Variants in MYO1E observed in about 807,000 individuals in gnomAD.
MYO1E encodes myosin IE.
A neutral mutation model predicts 151.1 loss-of-function variants in MYO1E; 68 were observed. The ratio of observed to expected loss-of-function variants is 0.45; its 90% CI spans 0.37 to 0.55. The LOEUF is 0.55. Among genes scored for constraint, MYO1E ranks in the 20% least tolerant of loss-of-function variants. The pLI is 0.00. For synonymous variants in MYO1E, 601 were observed against 501.7 expected (o/e 1.20, Z -2.64); for missense variants, 1,363 against 1,389.3 (o/e 0.98, Z 0.30).
intron 1 of MYO1E, among the ~76,000 whole-genome samples, chr15:59,300,842 A>G (rs1188022032): frequency 6.7e-6 from 1 of 149,220 alleles, no homozygotes; most frequent in African/African-American, 2.5e-5. Flanking sequence ...CTTATTGTAT[A>G]TCTTTCTTTT....
At chr15:59,257,729 C>A (rs1320255009) in intron 3 of MYO1E, among the ~76,000 whole-genome samples, 1 of 151,970 alleles carries the variant, frequency 6.6e-6, no homozygotes, top group Non-Finnish European at 1.5e-5. Context: ...ATAGGGGGAG[C>A]TACCCAGTGA....
intron 14 of MYO1E, 104 bp downstream of exon 14, chr15:59,208,577 G>C (rs1001944579): frequency 1.4e-6 from 2 of 1,391,670 alleles, no homozygotes; most frequent in East Asian, 4.6e-5. Context: ...TCCGTTTGTT[G>C]AATCAATAAA....
In MYO1E at chr15:59,136,414, A is replaced by G. The variant is rs2140297110; in HGVS notation, c.*966T>C. 5.6e-6 allele frequency: 1 copy of G among 180,006 alleles called. No individual in the cohort carries two copies. The highest frequency in any genetic ancestry group is 1.1e-4 in the South Asian group (1 of 9,016). 11.2% of individuals were successfully genotyped at this position (180,006 alleles called of 1,614,324 possible). On this transcript the variant is annotated 3_prime_UTR_variant, in exon 28 of 28. Coordinates refer to ENST00000288235, the MANE Select transcript of MYO1E (RefSeq NM_004998.4). ...AGGAGGTGGGGGCAGGACGCGGAGT[A>G]AGTTTCCTATAGGGAAAGAGTTGAG...
chr15:59,278,070 A>G (rs2080331561), intron 1 of MYO1E, among the ~76,000 whole-genome samples: 1 of 152,242 alleles, frequency 6.6e-6, no homozygotes, highest in Admixed American at 6.5e-5. Flanking sequence ...GCTGTTGGGC[A>G]CTGACCAGGC....
chr15:59,173,114 T>G (rs2079605256), intron 21 of MYO1E, among the ~76,000 whole-genome samples: 1 of 152,344 alleles, frequency 6.6e-6, no homozygotes, highest in East Asian at 1.9e-4. Flanking sequence ...GTTCCTCCTG[T>G]GGCTGGAAAA....
At chr15:59,284,521 C>T (rs541076193) in intron 1 of MYO1E, among the ~76,000 whole-genome samples, 87 of 151,896 alleles carry the variant, frequency 5.7e-4, no homozygotes, top group Non-Finnish European at 1.1e-3. Context: ...GCAAACATAG[C>T]TCACTGAGGC....
At chr15:59,356,839 G>A (rs1436532289) in intron 1 of MYO1E, among the ~76,000 whole-genome samples, 1 of 151,888 alleles carries the variant, frequency 6.6e-6, no homozygotes, top group Admixed American at 6.6e-5. Flanking sequence ...AAAGTGCTGG[G>A]ATTACAGGCG....
At chr15:59,313,600 TTTA>T (rs1358661067) in intron 1 of MYO1E, among the ~76,000 whole-genome samples, 1 of 151,810 alleles carries the variant, frequency 6.6e-6, no homozygotes, top group African/African-American at 2.4e-5. Flanking sequence ...TACATGCTCT[TTTA>T]TTTCAAGCTC....
At chr15:59,155,145 T>A (rs1229372095) in intron 25 of MYO1E, among the ~76,000 whole-genome samples, 1 of 152,076 alleles carries the variant, frequency 6.6e-6, no homozygotes, top group Non-Finnish European at 1.5e-5. Flanking sequence ...CCTCGGGATG[T>A]CACATGGCCA....
chr15:59,207,609 T>C, intron 14 of MYO1E: 1 of 1,614,202 alleles, frequency 6.2e-7, no homozygotes, highest in Non-Finnish European at 8.5e-7. Context: ...GTTTCTTGAT[T>C]GGACAAAAGC....
At chr15:59,200,872 CGTAA>C (rs1566976996) in intron 16 of MYO1E, among the ~76,000 whole-genome samples, 1 of 152,072 alleles carries the variant, frequency 6.6e-6, no homozygotes, top group East Asian at 1.9e-4. Flanking sequence ...GCACTGAGAG[CGTAA>C]GTAACACCTT....
At chr15:59,160,975 T>C in intron 24 of MYO1E, 98 bp downstream of exon 24, 1 of 1,500,998 alleles carries the variant, frequency 6.7e-7, no homozygotes, top group Non-Finnish European at 9.2e-7. Context: ...GGTGTACTGA[T>C]TCTCAGCCCC....
Position 59,218,032 on chromosome 15 carries a change from C to T in MYO1E, c.966G>A (p.Lys322=). The T allele has an allele frequency of 6.2e-7, 1 of 1,614,216 alleles. No homozygotes were observed. The highest frequency in any genetic ancestry group is 2.2e-5 in the East Asian group (1 of 44,892). Reference sequence around the variant, plus strand: ...TGCTATCCATCTGCCGGCTTGTTAGCTTTTCTTTCAACCGGTCCTGGTTTA... The same window carrying T: ...TGCTATCCATCTGCCGGCTTGTTAGTTTTTCTTTCAACCGGTCCTGGTTTA... ...LGINQDRLKE[K]LTSRQMDSKW... is the part of the protein sequence containing the mutation. Residue 322 remains lysine (K), a synonymous_variant, in exon 10 of 28, where the codon AAG becomes AAA. Coordinates refer to ENST00000288235, the MANE Select transcript of MYO1E (RefSeq NM_004998.4).
intron 1 of MYO1E, among the ~76,000 whole-genome samples, chr15:59,367,606 C>T (rs953634994): frequency 3.3e-5 from 5 of 152,212 alleles, no homozygotes; most frequent in Admixed American, 6.5e-5. Context: ...GCTATTCCCT[C>T]TCTTTAGGGA....
intron 1 of MYO1E, among the ~76,000 whole-genome samples, chr15:59,361,597 T>C (rs565582975): frequency 6.6e-6 from 1 of 152,314 alleles, no homozygotes; most frequent in Admixed American, 6.5e-5. Flanking sequence ...TGAAGAATTA[T>C]ATGTATTTTT....
chr15:59,140,232 TTTAAAG>T (rs758810871), intron 26 of MYO1E, among the ~76,000 whole-genome samples: 25 of 152,330 alleles, frequency 1.6e-4, no homozygotes, highest in East Asian at 3.9e-4. Flanking sequence ...ATCTTCTAGC[TTTAAAG>T]TTATTCTTCC....
At chr15:59,355,014 C>T (rs1473695411) in intron 1 of MYO1E, among the ~76,000 whole-genome samples, 3 of 152,206 alleles carry the variant, frequency 2.0e-5, no homozygotes, top group Non-Finnish European at 4.4e-5. Context: ...CTCCTTTAAT[C>T]CGCTGGCTCT....
intron 6 of MYO1E, among the ~76,000 whole-genome samples, chr15:59,231,419 C>T (rs1461434355): frequency 1.3e-5 from 2 of 152,208 alleles, no homozygotes; most frequent in Non-Finnish European, 2.9e-5. Flanking sequence ...ATAAAGACAA[C>T]TCCTCCAAGG....
chr15:59,293,110 G>T (rs957700703), intron 1 of MYO1E, among the ~76,000 whole-genome samples: 22 of 152,164 alleles, frequency 1.4e-4, no homozygotes, highest in Admixed American at 9.8e-4. Flanking sequence ...AAACAGTTTA[G>T]AATTCAGCAA....
Sources: gnomAD v4.1 joint callset for allele counts (sites outside exome capture counted in the v4.1 genomes callset) on GRCh38, gnomAD v4.1.1 for gene constraint, MANE v1.5 for transcripts, NCBI Gene and HGNC (gene_info 2026-07-23, HGNC 2026-07-21) for gene names.